STYK1: variants seen among roughly 807,000 people sequenced by gnomAD.
STYK1 encodes the protein tyrosine-protein kinase STYK1.
A neutral mutation model predicts 48.1 loss-of-function variants in STYK1; 46 were observed. That is an observed-to-expected ratio of 0.96 (90% CI 0.75 to 1.22). STYK1 has a LOEUF of 1.22. Among genes scored for constraint, STYK1 ranks in the 50% most tolerant of loss-of-function variants. The probability of loss-of-function intolerance (pLI) is 0.00; values close to 1 mark genes in which losing one functional copy is unlikely to be tolerated. For synonymous variants in STYK1, 188 were observed against 189.0 expected (o/e 0.99, Z 0.04); for missense variants, 527 against 521.1 (o/e 1.01, Z -0.11).
intron 2 of STYK1, among the ~76,000 whole-genome samples, chr12:10,635,468 G>A (rs1188388639): frequency 6.6e-6 from 1 of 152,130 alleles, no homozygotes; most frequent in Non-Finnish European, 1.5e-5. Flanking sequence ...ATCCCTCAGA[G>A]CTTCAAGGTG....
rs375822208 is a variant in STYK1, at chr12:10,629,575, C to A, written c.551G>T (p.Cys184Phe). 19 of 1,614,076 alleles carry A rather than the reference C, an allele frequency of 1.2e-5. No homozygotes were observed. The African/African-American group carries it at 2.4e-4, about 20-fold the overall frequency. Residue 184 changes from cysteine (C) to phenylalanine (F), a missense_variant, in exon 6 of 11, where the codon TGC becomes TTC. Cys to Phe is a radical substitution (Grantham distance 205). Coordinates refer to ENST00000075503, the MANE Select transcript of STYK1 (RefSeq NM_018423.3). ...CATATAGAGTGGCAGCTTTTCAGTG[C>A]AGCAGCCTTCCAGCTGCACCAGGTT... The part of the protein sequence containing the change: ...HKNLVQLEGC[C>F]TEKLPLYMVL...
At chr12:10,620,647 AT>A (rs781659738) in intron 10 of STYK1, among the ~76,000 whole-genome samples, 1 of 152,202 alleles carries the variant, frequency 6.6e-6, no homozygotes, top group Non-Finnish European at 1.5e-5. Context: ...CGTTGTAAGC[AT>A]TGTGCAGTAA....
intron 6 of STYK1, 148 bp downstream of exon 6, chr12:10,629,345 A>G (rs1947394479): frequency 5.1e-6 from 4 of 787,734 alleles, no homozygotes; most frequent in South Asian, 3.8e-5. Context: ...ATAATTACAA[A>G]AAGTTCTATT....
At chr12:10,641,857 G>A (rs570716644) in intron 1 of STYK1, among the ~76,000 whole-genome samples, 1 of 152,314 alleles carries the variant, frequency 6.6e-6, no homozygotes, top group South Asian at 2.1e-4. Context: ...ATGGTTCAGA[G>A]CTGAGCAGTC....
intron 1 of STYK1, among the ~76,000 whole-genome samples, chr12:10,655,013 C>T (rs899394349): frequency 2.6e-5 from 4 of 152,320 alleles, no homozygotes; most frequent in East Asian, 1.9e-4. Flanking sequence ...ACTTTTATCC[C>T]TTCCCTTTCC....
At chr12:10,662,294 C>T (rs1432606327) in intron 1 of STYK1, among the ~76,000 whole-genome samples, 2 of 152,192 alleles carry the variant, frequency 1.3e-5, no homozygotes, top group Non-Finnish European at 2.9e-5. Context: ...ATAGTTTTCA[C>T]TTTTTCACAT....
At chr12:10,651,136 T>G (rs776993337) in intron 1 of STYK1, among the ~76,000 whole-genome samples, 3 of 152,176 alleles carry the variant, frequency 2.0e-5, no homozygotes, top group Admixed American at 6.5e-5. Context: ...CTTGTTATCT[T>G]AAGAGGACCA....
Position 10,631,285 on chromosome 12 carries a change from T to A in STYK1, c.211A>T (p.Arg71Trp). Reference sequence around the variant, plus strand: ...TGTCCTGCTTCCCAGCTTAGGTCCCTAGGTGGAGGAACAGGGGCAATGCCT... The same window carrying A: ...TGTCCTGCTTCCCAGCTTAGGTCCCAAGGTGGAGGAACAGGGGCAATGCCT... ...PQGIAPVPPP[R>W]DLSWEAGHGG... Residue 71 changes from arginine to tryptophan, a missense_variant, in exon 5 of 11, where the codon AGG becomes TGG. Coordinates refer to ENST00000075503, the MANE Select transcript of STYK1 (RefSeq NM_018423.3). 6.2e-7 allele frequency: 1 copy of A among 1,614,108 alleles called. No homozygotes were observed. The highest frequency in any genetic ancestry group is 8.5e-7 in the Non-Finnish European group (1 of 1,179,990).
intron 1 of STYK1, among the ~76,000 whole-genome samples, chr12:10,671,985 T>C (rs1947895955): frequency 6.6e-6 from 1 of 152,002 alleles, no homozygotes; most frequent in Non-Finnish European, 1.5e-5. Flanking sequence ...TATTGGGAGA[T>C]GATAGTGCAG....
At chr12:10,652,496 T>C (rs563002020) in intron 1 of STYK1, among the ~76,000 whole-genome samples, 1 of 152,338 alleles carries the variant, frequency 6.6e-6, no homozygotes, top group South Asian at 2.1e-4. Context: ...AGAATTATCA[T>C]ATTCCCCACA....
At chr12:10,639,003 T>C (rs1408633981) in intron 1 of STYK1, among the ~76,000 whole-genome samples, 2 of 152,206 alleles carry the variant, frequency 1.3e-5, no homozygotes, top group Non-Finnish European at 2.9e-5. Flanking sequence ...GGCTTTGGGC[T>C]ATGGGGCAGA....
chr12:10,627,801 G>C, intron 6 of STYK1, 77 bp from the exon 7 acceptor site: 1 of 1,248,754 alleles, frequency 8.0e-7, no homozygotes, highest in Non-Finnish European at 1.1e-6. Flanking sequence ...GTTGGGCAGA[G>C]ATACTCTGAA....
chr12:10,641,977 C>T (rs1213987086), intron 1 of STYK1, among the ~76,000 whole-genome samples: 1 of 152,210 alleles, frequency 6.6e-6, no homozygotes, highest in Non-Finnish European at 1.5e-5. Context: ...CATCCGGAAG[C>T]ATGTCACCTG....
At chr12:10,634,250 T>C in intron 3 of STYK1, 126 bp from the exon 4 acceptor site, 1 of 1,119,020 alleles carries the variant, frequency 8.9e-7, no homozygotes, top group Non-Finnish European at 1.3e-6. Context: ...TACCATCTCC[T>C]CTACTTCCAT....
Position 10,672,847 on chromosome 12 carries a change from A to C in STYK1, c.-195+1119T>G, listed in dbSNP as rs1455403017. On this transcript the variant is annotated intron_variant, in intron 1 of 10. Coordinates refer to ENST00000075503, the MANE Select transcript of STYK1 (RefSeq NM_018423.3). This position sits in a 1 kb window ranked among gnomAD's most constrained non-coding sequence, Gnocchi z 4.0. Reference sequence around the variant, plus strand: ...TTTTCATTGAAGCAAATACTTCATGATGTCTCATTGAAAGACCTAGCTGCC... The same window carrying C: ...TTTTCATTGAAGCAAATACTTCATGCTGTCTCATTGAAAGACCTAGCTGCC... 1.3e-5 allele frequency among the ~76,000 whole-genome samples: 2 copies of C among 152,216 alleles called. No individual in the cohort carries two copies. The highest frequency in any genetic ancestry group is 4.8e-5 in the African/African-American group (2 of 41,456).
chr12:10,627,932 A>C (rs1235457071), intron 6 of STYK1, among the ~76,000 whole-genome samples: 1 of 152,254 alleles, frequency 6.6e-6, no homozygotes, highest in African/African-American at 2.4e-5. Flanking sequence ...TGACAGACAT[A>C]GATGAATAGC....
At chr12:10,645,162 A>T (rs1377324815) in intron 1 of STYK1, among the ~76,000 whole-genome samples, 3 of 152,168 alleles carry the variant, frequency 2.0e-5, no homozygotes, top group African/African-American at 7.2e-5. Flanking sequence ...CTAAAATCTG[A>T]TGACAGGTCA....
At chr12:10,660,185 G>A (rs762253309) in intron 1 of STYK1, among the ~76,000 whole-genome samples, 5 of 152,130 alleles carry the variant, frequency 3.3e-5, no homozygotes, top group Non-Finnish European at 7.4e-5. Context: ...ATATTGCTTT[G>A]TACCCTTTGT....
intron 7 of STYK1, among the ~76,000 whole-genome samples, chr12:10,625,498 T>A (rs1481658153): frequency 6.6e-6 from 1 of 152,182 alleles, no homozygotes. Context: ...ATTACAGGCA[T>A]GAGCCACTGC....
Sources: gnomAD v4.1 joint callset for allele counts (sites outside exome capture counted in the v4.1 genomes callset) on GRCh38, gnomAD v4.1.1 for gene constraint, Gnocchi (gnomAD v3.1) non-coding constraint, MANE v1.5 for transcripts, NCBI Gene and HGNC (gene_info 2026-07-23, HGNC 2026-07-21) for gene names.